The following RANBP17 variants were observed in gnomAD, a reference collection of about 807,000 sequenced individuals.
RANBP17 encodes the protein RAN binding protein 17, also known as ran-binding protein 17.
Under a neutral mutation model 141.2 loss-of-function variants are expected in RANBP17, and 158 were observed. That is an observed-to-expected ratio of 1.12 (90% CI 0.98 to 1.28). The LOEUF is 1.28. Among genes scored for constraint, RANBP17 ranks in the 50% most tolerant of loss-of-function variants. The pLI, the probability that RANBP17 is intolerant of heterozygous loss-of-function variation, is 0.00. For missense variants in RANBP17, 1,438 were observed against 1,290.7 expected, an observed-to-expected ratio of 1.11 and a Z score of -1.75; for synonymous variants, 430 against 450.0, an observed-to-expected ratio of 0.96 and a Z score of 0.56.
At chr5:170,957,660 T>A (rs978693449) in intron 13 of RANBP17, among the ~76,000 whole-genome samples, 1 of 152,192 alleles carries the variant, frequency 6.6e-6, no homozygotes, top group African/African-American at 2.4e-5. Context: ...GTGCTTTTTG[T>A]TGGTGCTTTC....
At chr5:171,094,954 G>A (rs1029989699) in intron 14 of RANBP17, among the ~76,000 whole-genome samples, 3 of 152,036 alleles carry the variant, frequency 2.0e-5, no homozygotes, top group Non-Finnish European at 4.4e-5. Context: ...GAGGTGATTG[G>A]GTTGAATAAA....
chr5:170,884,741 A>G (rs1264998415), intron 3 of RANBP17, among the ~76,000 whole-genome samples: 2 of 152,204 alleles, frequency 1.3e-5, no homozygotes, highest in Non-Finnish European at 2.9e-5. Context: ...CTTTAAATTC[A>G]GTGCCCTGTA....
rs182717577 is a variant in RANBP17 at position 171,169,852 on chromosome 5, A to T, written c.1711-278A>T. On this transcript the variant is annotated intron_variant, in intron 14 of 27. Coordinates refer to ENST00000523189, the MANE Select transcript of RANBP17 (RefSeq NM_022897.5). ...GGGGTGGTCTACCACTTTGAGAAAA[A>T]AAAAAAATGTGTGTGGTGTGGTGGG... 2.8e-3 allele frequency among the ~76,000 whole-genome samples: 425 copies of T among 152,142 alleles called. 5 individuals carry two copies. The highest frequency in any genetic ancestry group is 3.2e-3 in the Non-Finnish European group (218 of 67,976).
chr5:171,062,238 G>A (rs245757), intron 14 of RANBP17, among the ~76,000 whole-genome samples: 92,803 of 151,786 alleles, frequency 0.61, 29,734 homozygotes, highest in South Asian at 0.88. Flanking sequence ...TTAGTTGATG[G>A]AGTTTCTTCC....
At position 171,016,772 on chromosome 5, in the gene RANBP17, A is replaced by AT. The variant is rs1337537022; in HGVS notation, c.1710+48402dup. On this transcript the variant is annotated intron_variant, in intron 14 of 27. Transcript: ENST00000523189. ...TGTTTCCCTGTGATTTATAATATGC[A>AT]TTTTTTTATGTCTTCTTTAAAAAAA... is the stretch of plus-strand genomic sequence containing the variant. 2.6e-5 allele frequency among the ~76,000 whole-genome samples: 4 copies of AT among 151,270 alleles called. No homozygotes were observed. The East Asian group carries it at 5.8e-4, about 22-fold the overall frequency.
intron 25 of RANBP17, among the ~76,000 whole-genome samples, chr5:171,283,553 TG>T (rs1767977640): frequency 6.6e-6 from 1 of 152,252 alleles, no homozygotes. Flanking sequence ...AAATTCTGCA[TG>T]GTTTAAATAT....
At chr5:171,130,791 T>A (rs921450982) in intron 14 of RANBP17, among the ~76,000 whole-genome samples, 7 of 152,198 alleles carry the variant, frequency 4.6e-5, no homozygotes, top group African/African-American at 1.7e-4. Flanking sequence ...TACAGATACA[T>A]CATCAAATTG....
At chr5:171,266,313 T>C (rs1476242690) in intron 25 of RANBP17, among the ~76,000 whole-genome samples, 1 of 152,222 alleles carries the variant, frequency 6.6e-6, no homozygotes, top group Admixed American at 6.5e-5. Flanking sequence ...TTTCCCATTT[T>C]AAAATGAGAA....
intron 14 of RANBP17, among the ~76,000 whole-genome samples, chr5:171,016,486 T>C (rs1780442467): frequency 6.6e-6 from 1 of 152,004 alleles, no homozygotes; most frequent in Non-Finnish European, 1.5e-5. Flanking sequence ...CCTTGCCATT[T>C]GTTTTCTATT....
rs1781441257 is a variant in RANBP17 at position 171,029,756 on chromosome 5, A to G, written c.1710+61379A>G. ...TGGACAAAATAGCCTCTTATTTTTC[A>G]AAAAAATTTTTTTATTTGAGGAAAA... On this transcript the variant is annotated intron_variant, in intron 14 of 27. Coordinates refer to ENST00000523189, the MANE Select transcript of RANBP17 (RefSeq NM_022897.5). Among the ~76,000 whole-genome samples the G allele has an allele frequency of 2.0e-5, 3 of 151,936 alleles. No individual in the cohort carries two copies. The South Asian group carries it at 6.2e-4, about 31-fold the overall frequency.
intron 22 of RANBP17, among the ~76,000 whole-genome samples, chr5:171,229,940 C>T (rs965034665): frequency 5.9e-5 from 9 of 151,478 alleles, no homozygotes; most frequent in Non-Finnish European, 5.9e-5. Context: ...TGGTGCATGC[C>T]TATAACCCCA....
At chr5:170,981,556 GCT>G (rs569795201) in intron 14 of RANBP17, among the ~76,000 whole-genome samples, 289 of 151,880 alleles carry the variant, frequency 1.9e-3, no homozygotes, top group Non-Finnish European at 3.4e-3. Flanking sequence ...TCCTGCACAG[GCT>G]CTCATTTTTT....
At chr5:170,904,629 G>A (rs1183043110) in intron 5 of RANBP17, among the ~76,000 whole-genome samples, 1 of 152,122 alleles carries the variant, frequency 6.6e-6, no homozygotes, top group Non-Finnish European at 1.5e-5. Context: ...TAATACCAGT[G>A]TGTGAAATTA....
chr5:171,121,884 A>C (rs571565965), intron 14 of RANBP17, among the ~76,000 whole-genome samples: 1 of 152,266 alleles, frequency 6.6e-6, no homozygotes, highest in African/African-American at 2.4e-5. Context: ...TCAAGATGGC[A>C]CTGTGCTACA....
At chr5:170,973,664 G>A (rs1350797362) in intron 14 of RANBP17, among the ~76,000 whole-genome samples, 1 of 152,038 alleles carries the variant, frequency 6.6e-6, no homozygotes, top group Non-Finnish European at 1.5e-5. Flanking sequence ...AAATCACAAT[G>A]GCCAGTAAAC....
At chr5:171,029,399 C>G (rs567941213) in intron 14 of RANBP17, among the ~76,000 whole-genome samples, 1 of 152,076 alleles carries the variant, frequency 6.6e-6, no homozygotes, top group South Asian at 2.1e-4. Context: ...AATATATGAT[C>G]TTATACCTTC....
chr5:171,082,596 G>A (rs1785326110), intron 14 of RANBP17, among the ~76,000 whole-genome samples: 1 of 152,148 alleles, frequency 6.6e-6, no homozygotes, highest in Non-Finnish European at 1.5e-5. Flanking sequence ...CTCTGTTCTA[G>A]TGTGACTCTG....
chr5:170,864,923 C>T (rs77196319), intron 1 of RANBP17, among the ~76,000 whole-genome samples: 4,613 of 152,252 alleles, frequency 0.03, 235 homozygotes, highest in African/African-American at 0.1. Flanking sequence ...TTTATATTCA[C>T]CAGTAACTGG....
At chr5:171,099,758 C>T (rs147988136) in intron 14 of RANBP17, among the ~76,000 whole-genome samples, 7,027 of 152,092 alleles carry the variant, frequency 0.046, 205 homozygotes, top group East Asian at 0.12. Flanking sequence ...ATAGCTCTTA[C>T]TATTTTGAGA....
Sources: gnomAD v4.1 joint callset for allele counts (sites outside exome capture counted in the v4.1 genomes callset) on GRCh38, gnomAD v4.1.1 for gene constraint, MANE v1.5 for transcripts, NCBI Gene and HGNC (gene_info 2026-07-23, HGNC 2026-07-21) for gene names.